The following NEK10 variants were observed in gnomAD, a reference collection of about 807,000 sequenced individuals.
The protein encoded by NEK10 is serine/threonine-protein kinase Nek10.
NEK10 carries 122 observed loss-of-function variants against 159.8 expected under a neutral mutation model. The ratio of observed to expected loss-of-function variants is 0.76; its 90% CI spans 0.66 to 0.89. The LOEUF is 0.89. NEK10 is among the 40% of genes least tolerant of loss of function. The pLI is 0.00. For synonymous variants in NEK10, 466 were observed against 457.1 expected, an observed-to-expected ratio of 1.02 and a Z score of -0.25; for missense variants, 1,342 against 1,323.1, an observed-to-expected ratio of 1.01 and a Z score of -0.22.
chr3:27,174,801 G>A lies in NEK10; in HGVS notation c.2538C>T (p.Ser846=). Residue 846 remains serine, a synonymous_variant, in exon 27 of 36, where the codon AGC becomes AGT. Transcript: ENST00000691995. ...ETFEKASLSS[S]SSGAASLKSE... is the part of the protein sequence containing the mutation. ...TTTTCAGGCTGGCTGCTCCACTGCT[G>A]CTGCTACTCAAACTTGCCTTCTCAA... 6.2e-7 allele frequency: 1 copy of A among 1,603,408 alleles called. No homozygotes were observed. The highest frequency in any genetic ancestry group is 1.3e-5 in the African/African-American group (1 of 74,204).
intron 31 of NEK10, among the ~76,000 whole-genome samples, chr3:27,134,087 G>GGA (rs1003133009): frequency 2.6e-5 from 4 of 151,846 alleles, no homozygotes; most frequent in Non-Finnish European, 4.4e-5. Flanking sequence ...GGGGGTGCAG[G>GGA]GAGAGAGAGA....
At position 27,116,117 on chromosome 3, in the gene NEK10, G is replaced by A. The variant is rs1429022155; in HGVS notation, c.3201C>T (p.Thr1067=). The change falls in exon 34 of 36, where the codon ACC becomes ACT. Residue 1067 remains threonine, a synonymous_variant. Transcript: ENST00000691995. ...LSPNDPTGLP[T]SIELEEGITY... ...TTATTCCTTCCTCCAATTCAATGCT[G>A]GTTGGTAAACCTAAAAAAGATAAAT... The A allele has an allele frequency of 6.2e-7, 1 of 1,613,308 alleles. No individual in the cohort carries two copies. Among genetic ancestry groups the A allele is most frequent in the Non-Finnish European group, 8.5e-7 (1 of 1,179,564 alleles).
chr3:27,150,015 C>T (rs1243803758), intron 30 of NEK10, among the ~76,000 whole-genome samples: 5 of 152,222 alleles, frequency 3.3e-5, no homozygotes, highest in Non-Finnish European at 7.3e-5. Context: ...AAACCTGCCA[C>T]AACATTCCCT....
chr3:27,153,029 G>T (rs190299600), intron 30 of NEK10, among the ~76,000 whole-genome samples: 1 of 152,100 alleles, frequency 6.6e-6, no homozygotes, highest in East Asian at 1.9e-4. Context: ...ATAGACCTAA[G>T]AAATGAGAAT....
chr3:27,163,072 T>C (rs2148819694), intron 29 of NEK10, among the ~76,000 whole-genome samples: 1 of 152,132 alleles, frequency 6.6e-6, no homozygotes, highest in African/African-American at 2.4e-5. Context: ...TAAAATGTTA[T>C]ATATAGTATT....
chr3:27,274,261 G>A (rs145643698), intron 22 of NEK10, among the ~76,000 whole-genome samples: 325 of 152,142 alleles, frequency 2.1e-3, no homozygotes, highest in African/African-American at 7.0e-3. Flanking sequence ...TTTATTGATG[G>A]AGTTATGATG....
chr3:27,303,127 C>T (rs2043965357), intron 12 of NEK10, among the ~76,000 whole-genome samples: 1 of 152,132 alleles, frequency 6.6e-6, no homozygotes, highest in South Asian at 2.1e-4. Context: ...AGCACCAGTA[C>T]ATATTTAACA....
chr3:27,330,917 C>A (rs553930987), intron 5 of NEK10, among the ~76,000 whole-genome samples: 5 of 152,034 alleles, frequency 3.3e-5, no homozygotes, highest in Non-Finnish European at 7.4e-5. Context: ...AGGAATAGGC[C>A]GTTATAACAT....
intron 23 of NEK10, chr3:27,215,478 T>C (rs1038221022): frequency 1.3e-5 from 5 of 398,948 alleles, no homozygotes; most frequent in Non-Finnish European, 2.2e-5. Flanking sequence ...TTATAAGAAT[T>C]GCCAAATGCA....
chr3:27,299,511 C>G (rs1037809776), intron 13 of NEK10, among the ~76,000 whole-genome samples: 10 of 152,196 alleles, frequency 6.6e-5, no homozygotes, highest in African/African-American at 1.7e-4. Context: ...AGAGCCCCCA[C>G]ACAGAGTCCC....
chr3:27,143,097 C>T (rs1202294549), intron 30 of NEK10, among the ~76,000 whole-genome samples: 1 of 152,142 alleles, frequency 6.6e-6, no homozygotes, highest in African/African-American at 2.4e-5. Flanking sequence ...GTTGTCTGCT[C>T]CATCTTGTGG....
intron 1 of NEK10, among the ~76,000 whole-genome samples, chr3:27,354,442 A>C (rs1237913275): frequency 6.6e-6 from 1 of 152,178 alleles, no homozygotes; most frequent in Non-Finnish European, 1.5e-5. Context: ...CACTTAACTA[A>C]ACAGTAAACA....
chr3:27,166,893 G>A (rs141105354), intron 29 of NEK10, among the ~76,000 whole-genome samples: 2 of 152,180 alleles, frequency 1.3e-5, no homozygotes, highest in African/African-American at 2.4e-5. Flanking sequence ...CCAGCAGGCC[G>A]AGGTTGCAGT....
At chr3:27,142,429 C>G (rs1943875162) in intron 30 of NEK10, among the ~76,000 whole-genome samples, 1 of 151,962 alleles carries the variant, frequency 6.6e-6, no homozygotes, top group African/African-American at 2.4e-5. Context: ...CCTTTCTCTT[C>G]CTTCTCTTTC....
At chr3:27,220,206 A>T (rs1253375312) in intron 23 of NEK10, among the ~76,000 whole-genome samples, 1 of 152,228 alleles carries the variant, frequency 6.6e-6, no homozygotes, top group Non-Finnish European at 1.5e-5. Flanking sequence ...CACACATCTT[A>T]TAGTCCTGAA....
At chr3:27,315,177 C>T (rs947974077) in intron 6 of NEK10, among the ~76,000 whole-genome samples, 4 of 152,140 alleles carry the variant, frequency 2.6e-5, no homozygotes, top group Non-Finnish European at 4.4e-5. Flanking sequence ...TCTCTCCTTA[C>T]TTAACATGCC....
At chr3:27,210,127 T>C (rs1194257815) in intron 23 of NEK10, among the ~76,000 whole-genome samples, 1 of 152,204 alleles carries the variant, frequency 6.6e-6, no homozygotes, top group Non-Finnish European at 1.5e-5. Flanking sequence ...CCGTTTCTGT[T>C]CCTTATAACA....
intron 5 of NEK10, among the ~76,000 whole-genome samples, chr3:27,334,543 T>C (rs1160019952): frequency 1.3e-5 from 2 of 152,070 alleles, no homozygotes; most frequent in Non-Finnish European, 2.9e-5. Context: ...CTAGCCTACC[T>C]TGTGTCCCAG....
chr3:27,148,014 A>C (rs893536814), intron 30 of NEK10, among the ~76,000 whole-genome samples: 9 of 152,210 alleles, frequency 5.9e-5, no homozygotes, highest in Non-Finnish European at 1.2e-4. Flanking sequence ...CCAATATAAA[A>C]AATAATAAGT....
Sources: gnomAD v4.1 joint callset for allele counts (sites outside exome capture counted in the v4.1 genomes callset) on GRCh38, gnomAD v4.1.1 for gene constraint, MANE v1.5 for transcripts, NCBI Gene and HGNC (gene_info 2026-07-23, HGNC 2026-07-21) for gene names.